ZNF729: variants seen among roughly 807,000 people sequenced by gnomAD.
The protein encoded by ZNF729 is zinc finger protein 729.
A neutral mutation model predicts 12.2 loss-of-function variants in ZNF729; 15 were observed. The ratio of observed to expected loss-of-function variants is 1.23; its 90% CI spans 0.82 to 1.89. The LOEUF is 1.89. Among genes scored for constraint, ZNF729 ranks in the 40% most tolerant of loss-of-function variants. The pLI, the probability that ZNF729 is intolerant of heterozygous loss-of-function variation, is 0.00. For synonymous variants in ZNF729, 492 were observed against 476.3 expected, an observed-to-expected ratio of 1.03 and a Z score of -0.43; for missense variants, 1,540 against 1,456.7, an observed-to-expected ratio of 1.06 and a Z score of -0.93.
intron 1 of ZNF729, among the ~76,000 whole-genome samples, chr19:22,286,771 G>A (rs114700426): frequency 0.022 from 3,351 of 152,270 alleles, 110 homozygotes; most frequent in African/African-American, 0.077. Context: ...CGCTGTGACT[G>A]TGCCCTGGCC....
At chr19:22,311,674 G>A (rs550748393) in intron 3 of ZNF729, among the ~76,000 whole-genome samples, 1 of 152,188 alleles carries the variant, frequency 6.6e-6, no homozygotes, top group South Asian at 2.1e-4. Flanking sequence ...TGCAGTTGTT[G>A]GATGGAATGT....
intron 3 of ZNF729, among the ~76,000 whole-genome samples, chr19:22,305,172 T>C (rs968664656): frequency 2.0e-5 from 3 of 152,184 alleles, no homozygotes; most frequent in Admixed American, 2.0e-4. Context: ...CCGTGTGATA[T>C]GTCCAGTTCC....
chr19:22,290,631 A>G (rs376085695), intron 1 of ZNF729, among the ~76,000 whole-genome samples: 8 of 152,296 alleles, frequency 5.3e-5, no homozygotes, highest in South Asian at 4.1e-4. Context: ...TTGTATGTTG[A>G]CTCAGACTGA....
rs1968492725 is a variant in ZNF729 at position 22,314,387 on chromosome 19, G to T, written c.970G>T (p.Asp324Tyr). The change falls in exon 4 of 4, where the codon GAT becomes TAT. Residue 324 changes from aspartate to tyrosine, a missense_variant. By Grantham distance (160) the Asp-to-Tyr change is radical. Coordinates refer to ENST00000601693, the MANE Select transcript of ZNF729 (RefSeq NM_001242680.2). ...TGCAGAGAAACCCTACAAATGTGAA[G>T]ATTGTGGCAAAACTTTTAACCATTT... ...HTAEKPYKCE[D>Y]CGKTFNHFSA... The T allele has an allele frequency of 1.3e-6, 2 of 1,591,880 alleles. No individual in the cohort carries two copies. Among genetic ancestry groups the T allele is most frequent in the East Asian group, 2.2e-5 (1 of 44,510 alleles).
Position 22,304,800 on chromosome 19 carries a change from A to T in ZNF729, c.253+17A>T. The T allele has an allele frequency of 4.3e-6, 7 of 1,610,162 alleles. No homozygotes were observed. The Admixed American group carries it at 1.0e-4, about 23-fold the overall frequency. ...AACCCCCAGGTATGTGAGAGTGAATACAACAGACAACACAGATAAGAGGTC... is the reference window on the plus strand; with the variant it reads ...AACCCCCAGGTATGTGAGAGTGAATTCAACAGACAACACAGATAAGAGGTC... On this transcript the variant is annotated intron_variant, in intron 3 of 3. Transcript: ENST00000601693.
rs151056775 is a variant in ZNF729 at position 22,308,120 on chromosome 19, G to A, written c.253+3337G>A. On this transcript the variant is annotated intron_variant, in intron 3 of 3. Coordinates refer to ENST00000601693, the MANE Select transcript of ZNF729 (RefSeq NM_001242680.2). ...TATCAGTGAGAACATAAGATGTTTG[G>A]TTTTCCATTTCTGAGTTACTTCACT... Among the ~76,000 whole-genome samples the A allele has an allele frequency of 2.5e-4, 38 of 151,774 alleles. No homozygotes were observed. The East Asian group carries it at 7.2e-3, about 29-fold the overall frequency.
intron 3 of ZNF729, among the ~76,000 whole-genome samples, chr19:22,307,569 C>T (rs1310784938): frequency 6.6e-6 from 1 of 150,834 alleles, no homozygotes; most frequent in Non-Finnish European, 1.5e-5. Context: ...CATGGAGAAA[C>T]CTTGTCTCTA....
Position 22,315,208 on chromosome 19 carries a change from G to C in ZNF729, c.1791G>C (p.Glu597Asp). The C allele has an allele frequency of 6.2e-7, 1 of 1,611,994 alleles. No homozygotes were observed. Among genetic ancestry groups the C allele is most frequent in the Non-Finnish European group, 8.5e-7 (1 of 1,179,390 alleles). ...LRKHKVIHTREKLYKCEECGK... is the reference protein window; with the variant it reads ...LRKHKVIHTRDKLYKCEECGK... ...AACATAAGGTAATTCATACTAGGGA[G>C]AAATTGTACAAATGTGAAGAATGTG... is the stretch of plus-strand genomic sequence containing the variant. The change falls in exon 4 of 4, where the codon GAG (glutamate) becomes GAC (aspartate). Residue 597 changes from glutamate to aspartate, a missense_variant. Transcript: ENST00000601693.
intron 3 of ZNF729, among the ~76,000 whole-genome samples, chr19:22,307,817 T>A (rs1413102623): frequency 6.7e-6 from 1 of 148,664 alleles, no homozygotes; most frequent in East Asian, 1.9e-4. Flanking sequence ...TTTTTTTTTT[T>A]TTTTTTTGTC....
intron 1 of ZNF729, among the ~76,000 whole-genome samples, chr19:22,295,315 T>C (rs1360398388): frequency 1.4e-5 from 2 of 139,970 alleles, no homozygotes; most frequent in East Asian, 2.0e-4. Context: ...TTTTATCTCT[T>C]GTCTGATTGC....
chr19:22,290,096 G>A (rs1033200019), intron 1 of ZNF729, among the ~76,000 whole-genome samples: 1 of 152,124 alleles, frequency 6.6e-6, no homozygotes, highest in African/African-American at 2.4e-5. Context: ...TAAAGCCTGA[G>A]CCTAGTGACT....
At chr19:22,293,184 C>G (rs988135651) in intron 1 of ZNF729, among the ~76,000 whole-genome samples, 2 of 151,910 alleles carry the variant, frequency 1.3e-5, no homozygotes, top group African/African-American at 4.8e-5. Context: ...TGTTTTTTGT[C>G]TACCTTTTTT....
intron 1 of ZNF729, among the ~76,000 whole-genome samples, chr19:22,291,273 T>C (rs186354814): frequency 0.011 from 1,680 of 152,246 alleles, 13 homozygotes; most frequent in Non-Finnish European, 0.017. Flanking sequence ...CTGCCCATTA[T>C]CCTGTGATTT....
chr19:22,298,539 GTT>G (rs946893330), intron 1 of ZNF729, among the ~76,000 whole-genome samples: 2 of 151,312 alleles, frequency 1.3e-5, no homozygotes, highest in Non-Finnish European at 2.9e-5. Flanking sequence ...TTGAGACAGA[GTT>G]TCGCTCTTGT....
intron 1 of ZNF729, among the ~76,000 whole-genome samples, chr19:22,295,340 C>G (rs1442684115): frequency 6.6e-6 from 1 of 150,496 alleles, no homozygotes; most frequent in Non-Finnish European, 1.5e-5. Flanking sequence ...GCCAGGACTT[C>G]CAATTCTCTT....
At chr19:22,287,877 G>A (rs1157534664) in intron 1 of ZNF729, among the ~76,000 whole-genome samples, 2 of 141,116 alleles carry the variant, frequency 1.4e-5, no homozygotes, top group East Asian at 4.2e-4. Context: ...ATGGAGTCTC[G>A]CTCTGTTGCC....
chr19:22,315,071 G>A lies in ZNF729; in HGVS notation c.1654G>A (p.Ala552Thr). The A allele has an allele frequency of 6.2e-7, 1 of 1,611,092 alleles. No homozygotes were observed. The highest frequency in any genetic ancestry group is 1.3e-5 in the African/African-American group (1 of 74,986). The change falls in exon 4 of 4, where the codon GCT (alanine) becomes ACT (threonine). Residue 552 changes from alanine (A) to threonine (T), a missense_variant. Physicochemically the swap from Ala to Thr is moderately conservative, Grantham distance 58. Coordinates refer to ENST00000601693, the MANE Select transcript of ZNF729 (RefSeq NM_001242680.2). ...CTACAAATGTGAAGAATGTGGTAAAGCTTTTAAGTGGTCATCAAAACTTAC... is the reference window on the plus strand; with the variant it reads ...CTACAAATGTGAAGAATGTGGTAAAACTTTTAAGTGGTCATCAAAACTTAC... Reference protein sequence around the residue: ...KPYKCEECGKAFKWSSKLTVH... With the variant: ...KPYKCEECGKTFKWSSKLTVH...
chr19:22,300,059 A>C (rs1968284870), intron 1 of ZNF729, among the ~76,000 whole-genome samples: 1 of 152,232 alleles, frequency 6.6e-6, no homozygotes, highest in African/African-American at 2.4e-5. Flanking sequence ...TAAAGTGTAA[A>C]TAGCCAAAAA....
At chr19:22,301,282 G>T (rs964088968) in intron 1 of ZNF729, among the ~76,000 whole-genome samples, 1 of 152,188 alleles carries the variant, frequency 6.6e-6, no homozygotes, top group Non-Finnish European at 1.5e-5. Context: ...CTAATCAAGT[G>T]TATGTTGCGG....
Sources: allele counts gnomAD v4.1 joint callset (sites outside exome capture counted in the v4.1 genomes callset), GRCh38; gene constraint gnomAD v4.1.1; transcripts MANE v1.5; gene names NCBI Gene and HGNC (gene_info 2026-07-23, HGNC 2026-07-21).